Variants in LPAR6 observed in about 807,000 individuals in gnomAD.
The protein encoded by LPAR6 is G-protein coupled purinergic receptor P2Y5.
Under a neutral mutation model 22.0 loss-of-function variants are expected in LPAR6, and 17 were observed. The ratio of observed to expected loss-of-function variants is 0.77; its 90% CI spans 0.53 to 1.16. The LOEUF is 1.16. LPAR6 is among the 50% of genes most tolerant of loss of function. The pLI is 0.00. For missense variants in LPAR6, 384 were observed against 406.9 expected, an observed-to-expected ratio of 0.94 and a Z score of 0.48; for synonymous variants, 136 against 139.8, an observed-to-expected ratio of 0.97 and a Z score of 0.19.
intron 1 of LPAR6, among the ~76,000 whole-genome samples, chr13:48,443,912 C>A (rs1949262429): frequency 6.6e-6 from 1 of 151,998 alleles, no homozygotes. Context: ...GGAAAAAACT[C>A]TCTCAAACCA....
At chr13:48,395,664 T>G (rs2138169309) in intron 1 of LPAR6, among the ~76,000 whole-genome samples, 1 of 151,694 alleles carries the variant, frequency 6.6e-6, no homozygotes. Context: ...AAATAAAGCG[T>G]GATGACAAGA....
upstream of LPAR6, among the ~76,000 whole-genome samples, chr13:48,428,763 G>A (rs554160040): frequency 6.6e-6 from 1 of 152,262 alleles, no homozygotes; most frequent in South Asian, 2.1e-4. Context: ...ACATAGTAAT[G>A]TGCCAAGTTT....
chr13:48,431,558 G>T (rs760452770), upstream of LPAR6, among the ~76,000 whole-genome samples: 1 of 152,126 alleles, frequency 6.6e-6, no homozygotes, highest in Non-Finnish European at 1.5e-5. Flanking sequence ...AATTTCTGTG[G>T]TTACTTTTTT....
intron 1 of LPAR6, among the ~76,000 whole-genome samples, chr13:48,443,001 A>C (rs1355759430): frequency 6.6e-6 from 1 of 152,142 alleles, no homozygotes; most frequent in East Asian, 1.9e-4. Flanking sequence ...TGACCAAGAT[A>C]TCAATTAATA....
At chr13:48,404,338 G>T (rs1160426118) in intron 1 of LPAR6, 1 of 152,062 alleles carries the variant, frequency 6.6e-6, no homozygotes, top group East Asian at 1.9e-4. Flanking sequence ...GGTAGGTTAT[G>T]TAGTTCCTTA....
chr13:48,437,146 T>C (rs994273113), intron 1 of LPAR6, among the ~76,000 whole-genome samples: 9 of 152,182 alleles, frequency 5.9e-5, no homozygotes, highest in African/African-American at 2.2e-4. Flanking sequence ...TTTATACTAA[T>C]CTTGCTGACA....
chr13:48,439,920 G>C (rs1949220120), intron 1 of LPAR6: 1 of 152,090 alleles, frequency 6.6e-6, no homozygotes, highest in Admixed American at 6.6e-5. Context: ...CAGAAATATA[G>C]TTTATACTTC....
At chr13:48,393,731 A>C (rs968315308) in intron 1 of LPAR6, among the ~76,000 whole-genome samples, 1 of 152,216 alleles carries the variant, frequency 6.6e-6, no homozygotes, top group Non-Finnish European at 1.5e-5. Flanking sequence ...GGTGCTTACT[A>C]TATGGAGAAC....
At chr13:48,422,326 A>G (rs1410381165) in intron 2 of LPAR6, among the ~76,000 whole-genome samples, 1 of 152,086 alleles carries the variant, frequency 6.6e-6, no homozygotes, top group Non-Finnish European at 1.5e-5. Context: ...ATGAGAACAC[A>G]TGGACACAGG....
At position 48,412,417 on chromosome 13, in the gene LPAR6, T is replaced by C; in HGVS notation, c.7A>G (p.Ser3Gly). 6.2e-7 allele frequency: 1 copy of C among 1,613,020 alleles called. No individual in the cohort carries two copies. Among genetic ancestry groups the C allele is most frequent in the Non-Finnish European group, 8.5e-7 (1 of 1,179,008 alleles). Residue 3 changes from serine to glycine, a missense_variant, in exon 1 of 1, where the codon AGC becomes GGC. Ser to Gly is a moderately conservative substitution (Grantham distance 56, BLOSUM62 0). Coordinates refer to ENST00000620633, the MANE Select transcript of LPAR6 (RefSeq NM_001162498.3). ...TAGAAGCAGTGGGAGCTGTTAACGC[T>C]TACCATCGTAAAGGCACGTCCAATT... is the stretch of plus-strand genomic sequence containing the variant. MV[S>G]VNSSHCFYND...
intron 1 of LPAR6, among the ~76,000 whole-genome samples, chr13:48,435,757 G>GT (rs796453501): frequency 5.9e-5 from 9 of 152,098 alleles, no homozygotes; most frequent in African/African-American, 2.2e-4. Flanking sequence ...TTTTTAGGGG[G>GT]TGCTGAGTTG....
rs1183043637 is a variant in LPAR6 at position 48,411,184 on chromosome 13, C to T, written c.*205G>A. 2 of 473,644 alleles carry T rather than the reference C, an allele frequency of 4.2e-6. No individual in the cohort carries two copies. Among genetic ancestry groups the T allele is most frequent in the Non-Finnish European group, 7.5e-6 (2 of 265,052 alleles). 29.3% of individuals were successfully genotyped at this position (473,644 alleles called of 1,614,324 possible). A position where few individuals can be genotyped will look rare whatever the true frequency, so the allele number is the denominator to read the frequency against. On this transcript the variant is annotated 3_prime_UTR_variant, in exon 1 of 1. Transcript: ENST00000620633. ...AATGAAGGAACAAATCAAAATGGCT[C>T]AGAAAAATCAGATGGAGTGGATACA... is the stretch of plus-strand genomic sequence containing the variant.
chr13:48,439,107 A>G (rs1179598814), intron 1 of LPAR6, among the ~76,000 whole-genome samples: 1 of 152,210 alleles, frequency 6.6e-6, no homozygotes, highest in African/African-American at 2.4e-5. Context: ...CTCCCATACT[A>G]GTATAGCAGC....
At chr13:48,427,062 T>C (rs1487195321), upstream of LPAR6, among the ~76,000 whole-genome samples, 2 of 152,236 alleles carry the variant, frequency 1.3e-5, no homozygotes, top group African/African-American at 4.8e-5. Flanking sequence ...AGCTCGGTTA[T>C]CACCAAGGGG....
At chr13:48,396,954 C>T (rs1269727894) in intron 1 of LPAR6, among the ~76,000 whole-genome samples, 2 of 152,324 alleles carry the variant, frequency 1.3e-5, no homozygotes, top group East Asian at 3.9e-4. Context: ...GATACCATCT[C>T]ATGCCAGTTA....
intron 1 of LPAR6, chr13:48,391,288 C>T (rs117304891): frequency 2.6e-5 from 4 of 152,294 alleles, no homozygotes; most frequent in South Asian, 2.1e-4. Context: ...TTTGCTTCGA[C>T]AGAAGTTATA....
chr13:48,420,613 A>G (rs1382445419), intron 2 of LPAR6, among the ~76,000 whole-genome samples: 1 of 152,188 alleles, frequency 6.6e-6, no homozygotes, highest in African/African-American at 2.4e-5. Context: ...GTTTGCAGAG[A>G]CAATGATTGT....
chr13:48,438,593 AG>A (rs1164658945), intron 1 of LPAR6, among the ~76,000 whole-genome samples: 1 of 152,048 alleles, frequency 6.6e-6, no homozygotes, highest in African/African-American at 2.4e-5. Flanking sequence ...ATAGCATAAA[AG>A]TTCAAAACAA....
chr13:48,402,019 G>A (rs936243469), intron 1 of LPAR6, among the ~76,000 whole-genome samples: 5 of 151,942 alleles, frequency 3.3e-5, no homozygotes, highest in Non-Finnish European at 7.4e-5. Flanking sequence ...AGTAATGATA[G>A]TTTTTATATT....
Sources: allele counts gnomAD v4.1 joint callset (sites outside exome capture counted in the v4.1 genomes callset), GRCh38; gene constraint gnomAD v4.1.1; transcripts MANE v1.5; gene names NCBI Gene and HGNC (gene_info 2026-07-23, HGNC 2026-07-21).